The following PDE1A variants were observed in gnomAD, a reference collection of about 807,000 sequenced individuals.
The protein encoded by PDE1A is dual specificity calcium/calmodulin-dependent 3',5'-cyclic nucleotide phosphodiesterase 1A.
In PDE1A, 35 loss-of-function variants were observed where a neutral mutation model predicts 61.7. The ratio of observed to expected loss-of-function variants is 0.57; its 90% confidence interval spans 0.43 to 0.75. The LOEUF (loss-of-function observed/expected upper bound fraction) is 0.75. Ranked by LOEUF, PDE1A falls within the 30% of genes least tolerant of loss-of-function variation. The pLI, the probability that PDE1A is intolerant of heterozygous loss-of-function variation, is 0.00. For synonymous variants in PDE1A, 232 were observed against 213.2 expected, an observed-to-expected ratio of 1.09 and a Z score of -0.77; for missense variants, 597 against 630.6, an observed-to-expected ratio of 0.95 and a Z score of 0.57.
At chr2:182,668,584 G>A in the PDE1A span, among the ~76,000 whole-genome samples, 823 of 152,282 alleles carry the variant, frequency 5.4e-3, 6 homozygotes, top group Non-Finnish European at 8.8e-3. Context: ...GGGGGAGTTG[G>A]TGGATGACTG....
chr2:182,474,616 G>C (rs1687240462), intron 2 of PDE1A, among the ~76,000 whole-genome samples: 1 of 151,856 alleles, frequency 6.6e-6, no homozygotes, highest in African/African-American at 2.4e-5. Context: ...CACATAGTAG[G>C]TGCTTATTAG....
At chr2:182,631,048 A>G in the PDE1A span, among the ~76,000 whole-genome samples, 1 of 152,114 alleles carries the variant, frequency 6.6e-6, no homozygotes, top group African/African-American at 2.4e-5. Flanking sequence ...TATTTATTAT[A>G]AGGTATTGGC....
chr2:182,525,425 G>A (rs1461814318), upstream of PDE1A, among the ~76,000 whole-genome samples: 1 of 152,070 alleles, frequency 6.6e-6, no homozygotes, highest in Non-Finnish European at 1.5e-5. Flanking sequence ...TCGTATTAAG[G>A]TTATATTGGC....
chr2:182,454,489 G>A (rs566193896), intron 2 of PDE1A, among the ~76,000 whole-genome samples: 14 of 152,114 alleles, frequency 9.2e-5, no homozygotes, highest in East Asian at 5.8e-4. Flanking sequence ...GAACAAAGCC[G>A]GAGGCGTCAT....
intron 1 of PDE1A, among the ~76,000 whole-genome samples, chr2:182,279,524 T>G (rs1424469086): frequency 1.3e-5 from 2 of 151,932 alleles, no homozygotes; most frequent in African/African-American, 4.8e-5. Flanking sequence ...CCTGAATACC[T>G]ATCATGTATC....
At chr2:182,193,015 TCTCA>T (rs1486652270) in intron 10 of PDE1A, among the ~76,000 whole-genome samples, 1 of 151,930 alleles carries the variant, frequency 6.6e-6, no homozygotes, top group African/African-American at 2.4e-5. Flanking sequence ...TTGAGAGGAG[TCTCA>T]CTCTGTCGCC....
At chr2:182,180,479 G>GT (rs1684662246) in intron 13 of PDE1A, among the ~76,000 whole-genome samples, 1 of 152,074 alleles carries the variant, frequency 6.6e-6, no homozygotes, top group East Asian at 1.9e-4. Flanking sequence ...GCTTCCCTTT[G>GT]TAGGTGACCT....
chr2:182,282,172 C>T (rs1457918177), intron 1 of PDE1A, among the ~76,000 whole-genome samples: 1 of 151,894 alleles, frequency 6.6e-6, no homozygotes, highest in Non-Finnish European at 1.5e-5. Context: ...TAATCTTTTA[C>T]CACTATTCCA....
chr2:182,631,889 A>T, the PDE1A span, among the ~76,000 whole-genome samples: 1 of 152,230 alleles, frequency 6.6e-6, no homozygotes, highest in African/African-American at 2.4e-5. Context: ...CTGAAACAGC[A>T]ATAATTACCA....
upstream of PDE1A, among the ~76,000 whole-genome samples, chr2:182,524,752 T>G (rs1690747817): frequency 6.6e-6 from 1 of 152,022 alleles, no homozygotes; most frequent in South Asian, 2.1e-4. Context: ...AAATTCAATA[T>G]AAGTTCTGCA....
chr2:182,509,313 G>A (rs944992442), intron 2 of PDE1A, among the ~76,000 whole-genome samples: 1 of 152,160 alleles, frequency 6.6e-6, no homozygotes, highest in African/African-American at 2.4e-5. Context: ...TCCTAGAGAA[G>A]AGAAACAAAA....
At chr2:182,306,597 G>A (rs1049969778) in intron 1 of PDE1A, among the ~76,000 whole-genome samples, 1 of 152,028 alleles carries the variant, frequency 6.6e-6, no homozygotes, top group African/African-American at 2.4e-5. Flanking sequence ...AAAACAGCAT[G>A]GGACTGGCAT....
intron 1 of PDE1A, among the ~76,000 whole-genome samples, chr2:182,388,393 A>C (rs1020209870): frequency 6.6e-6 from 1 of 152,188 alleles, no homozygotes; most frequent in African/African-American, 2.4e-5. Context: ...ACTGCACACA[A>C]AACATTCTCC....
intron 1 of PDE1A, among the ~76,000 whole-genome samples, chr2:182,358,270 C>T (rs1193978751): frequency 1.3e-5 from 2 of 152,122 alleles, no homozygotes; most frequent in African/African-American, 2.4e-5. Flanking sequence ...CTCTACTCAG[C>T]CACTCTCCCT....
the PDE1A span, among the ~76,000 whole-genome samples, chr2:182,684,979 A>T: frequency 6.6e-6 from 1 of 151,950 alleles, no homozygotes; most frequent in Non-Finnish European, 1.5e-5. Context: ...AAAGAAGAGG[A>T]GATTTAGCAT....
chr2:182,530,766 C>T, the PDE1A span, among the ~76,000 whole-genome samples: 2 of 151,942 alleles, frequency 1.3e-5, no homozygotes, highest in African/African-American at 2.4e-5. Flanking sequence ...TTCTTTAAAA[C>T]AATAGCTAAA....
chr2:182,144,060 C>G (rs191316885), downstream of PDE1A, among the ~76,000 whole-genome samples: 2 of 152,246 alleles, frequency 1.3e-5, no homozygotes, highest in Non-Finnish European at 2.9e-5. Context: ...AGAACATAAG[C>G]CCTGCCTAAA....
chr2:182,649,205 T>C, the PDE1A span, among the ~76,000 whole-genome samples: 1 of 152,136 alleles, frequency 6.6e-6, no homozygotes, highest in Non-Finnish European at 1.5e-5. Context: ...TCAGACATAT[T>C]AAAAACAATC....
At chr2:182,651,036 C>T in the PDE1A span, among the ~76,000 whole-genome samples, 5 of 152,126 alleles carry the variant, frequency 3.3e-5, no homozygotes, top group South Asian at 2.1e-4. Flanking sequence ...GATGGAGTTT[C>T]GCTCTTGTTG....
Sources: allele counts gnomAD v4.1 joint callset (sites outside exome capture counted in the v4.1 genomes callset), GRCh38; gene constraint gnomAD v4.1.1; transcripts MANE v1.5; gene names NCBI Gene and HGNC (gene_info 2026-07-23, HGNC 2026-07-21).